NME7: variants seen among roughly 807,000 people sequenced by gnomAD.
NME7 encodes the protein NME/NM23 family member 7.
Under a neutral mutation model 49.1 loss-of-function variants are expected in NME7, and 41 were observed. The observed-to-expected ratio is 0.83, with a 90% CI of 0.65 to 1.08. NME7 has a LOEUF of 1.08. NME7 is among the 50% of genes least tolerant of loss of function. The pLI is 0.00. For synonymous variants in NME7, 139 were observed against 150.6 expected (o/e 0.92, Z 0.56); for missense variants, 423 against 463.4 (o/e 0.91, Z 0.80).
rs577916754 is a variant in NME7, at chr1:169,279,150, T to G, written c.754+8153A>C. On this transcript the variant is annotated intron_variant, in intron 7 of 11. Transcript: ENST00000367811. ...GGGGGTCAGGGGTCAGGGACCCACTTGAGGAGGCAGTCTGCCCGTTCTCAG... is the reference window on the plus strand; with the variant it reads ...GGGGGTCAGGGGTCAGGGACCCACTGGAGGAGGCAGTCTGCCCGTTCTCAG... Among the ~76,000 whole-genome samples the G allele has an allele frequency of 4.6e-5, 7 of 152,300 alleles. No homozygotes were observed. In the East Asian group the frequency reaches 1.4e-3, roughly 29 times the overall value.
intron 6 of NME7, among the ~76,000 whole-genome samples, chr1:169,294,076 G>C (rs1456250912): frequency 6.6e-6 from 1 of 152,008 alleles, no homozygotes. Flanking sequence ...GAAGCACCAT[G>C]CAAGTAAAAT....
chr1:169,362,628 C>T (rs1235655546), intron 1 of NME7, among the ~76,000 whole-genome samples: 3 of 152,190 alleles, frequency 2.0e-5, no homozygotes, highest in Admixed American at 2.0e-4. Flanking sequence ...GCCTCACCAA[C>T]AGAGCAAACA....
In NME7 at chr1:169,275,206, C is replaced by G. The variant is rs561033120; in HGVS notation, c.754+12097G>C. 8.5e-4 allele frequency among the ~76,000 whole-genome samples: 112 copies of G among 131,658 alleles called. 10 individuals are homozygous for G. In the East Asian group the frequency reaches 0.013, roughly 16 times the overall value. 86.4% of individuals were successfully genotyped at this position (131,658 alleles called of 152,430 possible). A position where few individuals can be genotyped will look rare whatever the true frequency, so the allele number is the denominator to read the frequency against. On this transcript the variant is annotated intron_variant, in intron 7 of 11. Transcript: ENST00000367811. ...ACGTCCCTTATAAGTCGGATTCCTA[C>G]GTATTTTATTCTCTTTGAAGCAATT... is the stretch of plus-strand genomic sequence containing the variant.
intron 3 of NME7, among the ~76,000 whole-genome samples, chr1:169,319,886 G>T (rs1651790388): frequency 6.6e-6 from 1 of 152,078 alleles, no homozygotes; most frequent in Non-Finnish European, 1.5e-5. Flanking sequence ...GTAAATATGT[G>T]GCTCAGTACT....
At chr1:169,252,406 T>C (rs774513675) in intron 7 of NME7, among the ~76,000 whole-genome samples, 2 of 151,872 alleles carry the variant, frequency 1.3e-5, no homozygotes, top group Non-Finnish European at 2.9e-5. Context: ...TTTGATGGGG[T>C]TGTTTGTTTT....
At chr1:169,201,597 T>C (rs576544493) in intron 10 of NME7, among the ~76,000 whole-genome samples, 2 of 152,116 alleles carry the variant, frequency 1.3e-5, no homozygotes, top group East Asian at 1.9e-4. Context: ...TTGACTATAA[T>C]GGGTTGGGGA....
At chr1:169,179,011 G>C (rs1659850875) in intron 10 of NME7, among the ~76,000 whole-genome samples, 1 of 151,764 alleles carries the variant, frequency 6.6e-6, no homozygotes, top group African/African-American at 2.4e-5. Flanking sequence ...AGTAGAGATG[G>C]GGTTTCACCA....
chr1:169,239,525 T>C (rs181692303), intron 7 of NME7, among the ~76,000 whole-genome samples: 87 of 152,122 alleles, frequency 5.7e-4, no homozygotes, highest in African/African-American at 2.0e-3. Context: ...ATTTTGGACA[T>C]AGAAACCCAA....
At chr1:169,252,696 T>A (rs1415902484) in intron 7 of NME7, among the ~76,000 whole-genome samples, 1 of 151,756 alleles carries the variant, frequency 6.6e-6, no homozygotes, top group African/African-American at 2.4e-5. Context: ...TGGTTTTAGG[T>A]CTAACGTTTA....
At chr1:169,311,416 CAAAAAAAAAAAAAA>C (rs34576386) in intron 3 of NME7, among the ~76,000 whole-genome samples, 1 of 83,648 alleles carries the variant, frequency 1.2e-5, no homozygotes, top group Non-Finnish European at 2.2e-5. Context: ...GACTCCATCT[CAAAAAAAAAAAAAA>C]AAAAAAAAAT....
intron 10 of NME7, among the ~76,000 whole-genome samples, chr1:169,221,800 C>T (rs1453272582): frequency 6.6e-6 from 1 of 152,028 alleles, no homozygotes; most frequent in Non-Finnish European, 1.5e-5. Flanking sequence ...TCATGGCTCA[C>T]TGCAGCCTTA....
At chr1:169,266,405 C>T (rs1649322105) in intron 7 of NME7, among the ~76,000 whole-genome samples, 1 of 133,396 alleles carries the variant, frequency 7.5e-6, no homozygotes, top group Admixed American at 7.4e-5. Flanking sequence ...AGCATCCCCT[C>T]ATGTTAAAAA....
chr1:169,177,937 C>T (rs1050583975), intron 10 of NME7, among the ~76,000 whole-genome samples: 1 of 152,004 alleles, frequency 6.6e-6, no homozygotes, highest in African/African-American at 2.4e-5. Context: ...CCCAGGTTCA[C>T]ACCATTCTCC....
At chr1:169,225,991 TTAAA>T (rs1647324699) in intron 10 of NME7, among the ~76,000 whole-genome samples, 1 of 152,146 alleles carries the variant, frequency 6.6e-6, no homozygotes, top group African/African-American at 2.4e-5. Context: ...GAAAAAATAT[TTAAA>T]TAATAAGTTA....
At chr1:169,184,054 TAAC>T (rs1660003949) in intron 10 of NME7, among the ~76,000 whole-genome samples, 1 of 152,096 alleles carries the variant, frequency 6.6e-6, no homozygotes, top group South Asian at 2.1e-4. Context: ...AAGGTAACTT[TAAC>T]TTTATCCTCC....
Position 169,355,668 on chromosome 1 carries a change from C to T in NME7, c.3+12040G>A, listed in dbSNP as rs560561144. On this transcript the variant is annotated intron_variant, in intron 1 of 11. Transcript: ENST00000367811. ...GGGCTAGGATTCCCAGGGCTCTCCA[C>T]ATCATCACTTCATTCAGGTCTCCAC... is the stretch of plus-strand genomic sequence containing the variant. Among the ~76,000 whole-genome samples the T allele has an allele frequency of 4.6e-5, 7 of 152,018 alleles. No homozygotes were observed. In the South Asian group the frequency reaches 1.5e-3, roughly 32 times the overall value.
intron 11 of NME7, among the ~76,000 whole-genome samples, chr1:169,143,198 T>A (rs1467786856): frequency 6.7e-6 from 1 of 150,326 alleles, no homozygotes; most frequent in Non-Finnish European, 1.5e-5. Flanking sequence ...GTTTTGAGGA[T>A]AAAGATCCAT....
chr1:169,280,421 A>T (rs1176350050), intron 7 of NME7, among the ~76,000 whole-genome samples: 1 of 152,018 alleles, frequency 6.6e-6, no homozygotes, highest in Non-Finnish European at 1.5e-5. Flanking sequence ...GTTCACTCTG[A>T]TGATAGTTTC....
At chr1:169,299,122 T>C (rs535312966) in intron 5 of NME7, among the ~76,000 whole-genome samples, 1 of 152,222 alleles carries the variant, frequency 6.6e-6, no homozygotes, top group Non-Finnish European at 1.5e-5. Flanking sequence ...TGTTTACCAC[T>C]GCAGTCAAGT....
Sources: gnomAD v4.1 joint callset for allele counts (sites outside exome capture counted in the v4.1 genomes callset) on GRCh38, gnomAD v4.1.1 for gene constraint, MANE v1.5 for transcripts, NCBI Gene and HGNC (gene_info 2026-07-23, HGNC 2026-07-21) for gene names.